The following COL22A1 variants were observed in gnomAD, a reference collection of about 807,000 sequenced individuals.
COL22A1 encodes the protein collagen alpha-1(XXII) chain.
COL22A1 carries 221 observed loss-of-function variants against 248.9 expected under a neutral mutation model. That is an observed-to-expected ratio of 0.89 (90% confidence interval 0.80 to 0.99). The LOEUF (loss-of-function observed/expected upper bound fraction) is 0.99. Ranked by LOEUF, COL22A1 falls within the 50% of genes least tolerant of loss-of-function variation. COL22A1 has a pLI of 0.00. For synonymous variants in COL22A1, 891 were observed against 793.4 expected, an observed-to-expected ratio of 1.12 and a Z score of -2.07; for missense variants, 2,240 against 2,179.0, an observed-to-expected ratio of 1.03 and a Z score of -0.56.
At chr8:138,602,020 C>CT in intron 60 of COL22A1, 95 bp downstream of exon 60, 1 of 1,369,942 alleles carries the variant, frequency 7.3e-7, no homozygotes, top group Non-Finnish European at 1.0e-6. Context: ...CGGGTGTTTA[C>CT]TAACTGCCTT....
intron 41 of COL22A1, among the ~76,000 whole-genome samples, chr8:138,672,088 A>G (rs1825082136): frequency 6.6e-6 from 1 of 152,130 alleles, no homozygotes; most frequent in Non-Finnish European, 1.5e-5. Context: ...ACTGTATGGT[A>G]CCCCTGCTGG....
intron 64 of COL22A1, among the ~76,000 whole-genome samples, chr8:138,590,152 G>A (rs930861508): frequency 2.0e-5 from 3 of 151,962 alleles, no homozygotes; most frequent in African/African-American, 2.4e-5. Flanking sequence ...TTGGCAACTC[G>A]GAAGGTCAGT....
chr8:138,796,737 ATAACAGTAGCACACACCTCCCCCAAACC>A, intron 12 of COL22A1, 54 bp downstream of exon 12: 1 of 952,550 alleles, frequency 1.0e-6, no homozygotes, highest in Non-Finnish European at 1.7e-6. Flanking sequence ...TCCAGGCAAC[ATAACAGTAGCACACACCTCCCCCAAACC>A]TAAGTCCTCT....
chr8:138,773,395 T>C (rs1563744491), intron 16 of COL22A1, among the ~76,000 whole-genome samples: 1 of 152,236 alleles, frequency 6.6e-6, no homozygotes, highest in Non-Finnish European at 1.5e-5. Flanking sequence ...CAAATACGGC[T>C]GTCTCTTGTC....
chr8:138,910,216 G>T (rs576913921), intron 1 of COL22A1, among the ~76,000 whole-genome samples: 13 of 152,290 alleles, frequency 8.5e-5, no homozygotes, highest in Admixed American at 6.5e-4. Flanking sequence ...CCTCATGCTG[G>T]CCTCAGGCAA....
intron 40 of COL22A1, among the ~76,000 whole-genome samples, chr8:138,678,737 CA>C (rs1336614822): frequency 6.6e-6 from 1 of 152,032 alleles, no homozygotes; most frequent in Non-Finnish European, 1.5e-5. Context: ...GTCTCAGGAC[CA>C]AATCAACCTC....
At chr8:138,697,891 C>T (rs1035547252) in intron 32 of COL22A1, among the ~76,000 whole-genome samples, 8 of 151,978 alleles carry the variant, frequency 5.3e-5, no homozygotes, top group Admixed American at 5.2e-4. Context: ...CACAATGAAA[C>T]TTTTTTTTTC....
intron 47 of COL22A1, among the ~76,000 whole-genome samples, chr8:138,642,394 G>A (rs1364813603): frequency 6.6e-6 from 1 of 152,166 alleles, no homozygotes; most frequent in Non-Finnish European, 1.5e-5. Context: ...TGAGCACTCT[G>A]CCCAACGCAA....
chr8:138,735,851 G>C (rs758462756), intron 23 of COL22A1, among the ~76,000 whole-genome samples: 1 of 152,234 alleles, frequency 6.6e-6, no homozygotes, highest in Non-Finnish European at 1.5e-5. Flanking sequence ...CTGAAGTGCA[G>C]TGAGCAGTGT....
intron 23 of COL22A1, among the ~76,000 whole-genome samples, chr8:138,731,916 C>T (rs1422222802): frequency 6.6e-6 from 1 of 152,140 alleles, no homozygotes; most frequent in Non-Finnish European, 1.5e-5. Context: ...TCTGATAAAT[C>T]AGTACCCTCA....
intron 41 of COL22A1, among the ~76,000 whole-genome samples, chr8:138,675,053 C>T (rs1825403662): frequency 6.6e-6 from 1 of 152,192 alleles, no homozygotes; most frequent in Non-Finnish European, 1.5e-5. Context: ...CAAGGGCATT[C>T]CACACGCCTC....
intron 63 of COL22A1, 88 bp from the exon 64 acceptor site, chr8:138,591,589 A>T: frequency 9.8e-7 from 1 of 1,017,270 alleles, no homozygotes; most frequent in Non-Finnish European, 1.4e-6. Flanking sequence ...GTGCAGGGGC[A>T]GCACTGGGCT....
chr8:138,705,339 C>T (rs1362241711), intron 30 of COL22A1, among the ~76,000 whole-genome samples: 1 of 152,040 alleles, frequency 6.6e-6, no homozygotes, highest in Non-Finnish European at 1.5e-5. Flanking sequence ...GTCAGATTCA[C>T]CAAAGTTGAA....
chr8:138,705,781 A>G (rs1306034798), intron 30 of COL22A1, among the ~76,000 whole-genome samples: 1 of 152,164 alleles, frequency 6.6e-6, no homozygotes, highest in Non-Finnish European at 1.5e-5. Context: ...ACACATAACA[A>G]TATTAACCTT....
intron 59 of COL22A1, 101 bp from the exon 60 acceptor site, chr8:138,602,260 G>C: frequency 7.3e-7 from 1 of 1,365,010 alleles, no homozygotes; most frequent in Admixed American, 1.8e-5. Context: ...GAGGACAAGG[G>C]ACCCTCAAAA....
intron 11 of COL22A1, among the ~76,000 whole-genome samples, chr8:138,797,285 T>A (rs906580023): frequency 6.6e-6 from 1 of 152,202 alleles, no homozygotes; most frequent in Non-Finnish European, 1.5e-5. Flanking sequence ...AGGAAAACAT[T>A]AATCTGTTTT....
chr8:138,608,098 C>T (rs11992445), intron 56 of COL22A1, 109 bp from the exon 57 acceptor site: 3 of 912,502 alleles, frequency 3.3e-6, no homozygotes, highest in African/African-American at 1.7e-5. Context: ...GAATCTGTTA[C>T]TCTAGCCAGT....
At chr8:138,736,525 G>A (rs114841584) in intron 23 of COL22A1, among the ~76,000 whole-genome samples, 2,223 of 152,134 alleles carry the variant, frequency 0.015, 54 homozygotes, top group African/African-American at 0.049. Flanking sequence ...AGCCCTCTGC[G>A]CCTGGAGCCT....
rs752690610 is a variant in COL22A1, at chr8:138,663,686, T to C, written c.3186+19A>G. The C allele has an allele frequency of 2.5e-6, 4 of 1,590,768 alleles. No individual in the cohort carries two copies. Among genetic ancestry groups the C allele is most frequent in the Non-Finnish European group, 1.7e-6 (2 of 1,158,810 alleles). Reference sequence around the variant, plus strand: ...TTCCTCCCATAGAAACTCATCCCTTTATTTAAAGCATACTGTACCGGGGAT... The same window carrying C: ...TTCCTCCCATAGAAACTCATCCCTTCATTTAAAGCATACTGTACCGGGGAT... On this transcript the variant is annotated intron_variant, in intron 42 of 64. Coordinates refer to ENST00000303045, the MANE Select transcript of COL22A1 (RefSeq NM_152888.3).
Sources: allele counts gnomAD v4.1 joint callset (sites outside exome capture counted in the v4.1 genomes callset), GRCh38; gene constraint gnomAD v4.1.1; transcripts MANE v1.5; gene names NCBI Gene and HGNC (gene_info 2026-07-23, HGNC 2026-07-21).